Variants in IFT140 observed in about 807,000 individuals in gnomAD.
The protein encoded by IFT140 is intraflagellar transport protein 140 homolog.
Under a neutral mutation model 164.6 loss-of-function variants are expected in IFT140, and 133 were observed. The ratio of observed to expected loss-of-function variants is 0.81; its 90% confidence interval spans 0.70 to 0.93. The LOEUF is 0.93. IFT140 is among the 40% of genes least tolerant of loss of function. The probability of loss-of-function intolerance (pLI) is 0.00; values close to 1 mark genes in which losing one functional copy is unlikely to be tolerated. For synonymous variants in IFT140, 860 were observed against 817.3 expected, an observed-to-expected ratio of 1.05 and a Z score of -0.89; for missense variants, 2,045 against 1,972.3, an observed-to-expected ratio of 1.04 and a Z score of -0.70.
chr16:1,592,972 CAG>C (rs1298131700), intron 4 of IFT140, among the ~76,000 whole-genome samples: 3 of 150,618 alleles, frequency 2.0e-5, no homozygotes, highest in Non-Finnish European at 4.4e-5. Context: ...GGTGTCCCGG[CAG>C]AGTGACTGGT....
At position 1,589,756 on chromosome 16, in the gene IFT140, T is replaced by C; in HGVS notation, c.659A>G (p.Lys220Arg). 3.7e-6 allele frequency: 6 copies of C among 1,614,110 alleles called. No homozygotes were observed. The highest frequency in any genetic ancestry group is 5.1e-6 in the Non-Finnish European group (6 of 1,179,940). Residue 220 changes from lysine (K) to arginine (R), a missense_variant, in exon 7 of 31, where the codon AAG becomes AGG. Coordinates refer to ENST00000426508, the MANE Select transcript of IFT140 (RefSeq NM_014714.4). ...MDGTVHYVDE[K>R]GKTTQVVSAD... ...GGACACCACCTGAGTGGTCTTGCCC[T>C]TCTCATCCACATAGTGCACTGTCCC...
chr16:1,606,167 C>A (rs1054633718), intron 3 of IFT140, among the ~76,000 whole-genome samples: 1 of 152,204 alleles, frequency 6.6e-6, no homozygotes, highest in Non-Finnish European at 1.5e-5. Flanking sequence ...AGAATACCTT[C>A]CTGTTGTTTA....
rs2281235 is a variant in IFT140 at position 1,553,534 on chromosome 16, T to C, written c.2399+4401A>G. ...CCTGGGGAGGGACATGGACAAGTCC[T>C]CTATGGACAAGAGGGGCTGGAGAGT... On this transcript the variant is annotated intron_variant, in intron 19 of 30. Coordinates refer to ENST00000426508, the MANE Select transcript of IFT140 (RefSeq NM_014714.4). The surrounding 1 kb of genome is among the most constrained non-coding windows in gnomAD (Gnocchi z 4.4). 332,295 of 996,090 alleles carry C rather than the reference T, an allele frequency of 0.33. 59,441 individuals carry two copies. Among genetic ancestry groups the C allele is most frequent in the African/African-American group, 0.64 (36,809 of 57,500 alleles). The allele number at this position is 996,090 out of a possible 1,614,324, so 61.7% of individuals were successfully genotyped here. A position where few individuals can be genotyped will look rare whatever the true frequency, so the allele number is the denominator to read the frequency against.
chr16:1,530,625 G>A (rs1337337582), intron 19 of IFT140: 1 of 150,844 alleles, frequency 6.6e-6, no homozygotes, highest in Non-Finnish European at 1.5e-5. Context: ...ACAGGAATGT[G>A]GCAGCTGACT....
At chr16:1,563,356 G>A (rs1325619814) in intron 17 of IFT140, among the ~76,000 whole-genome samples, 1 of 150,374 alleles carries the variant, frequency 6.7e-6, no homozygotes, top group African/African-American at 2.4e-5. Flanking sequence ...GAGCAGTGGC[G>A]CGATCCCGGC....
chr16:1,535,278 G>A (rs892530013), intron 19 of IFT140, among the ~76,000 whole-genome samples: 5 of 152,072 alleles, frequency 3.3e-5, no homozygotes, highest in Non-Finnish European at 7.4e-5. Flanking sequence ...GGAGAGGAAG[G>A]GGCTCAGAAT....
chr16:1,586,463 G>C (rs1338610626), intron 9 of IFT140, among the ~76,000 whole-genome samples, 188 bp from the exon 10 acceptor site: 1 of 152,110 alleles, frequency 6.6e-6, no homozygotes, highest in Non-Finnish European at 1.5e-5. Flanking sequence ...GCCAGTGCGG[G>C]GGTGGTGGGG....
intron 18 of IFT140, among the ~76,000 whole-genome samples, chr16:1,561,336 C>T (rs1451932076): frequency 6.6e-6 from 1 of 152,200 alleles, no homozygotes; most frequent in African/African-American, 2.4e-5. Context: ...ACACGGGGAC[C>T]AAGTCGCAGA....
At chr16:1,535,157 G>C (rs906773852) in intron 19 of IFT140, among the ~76,000 whole-genome samples, 1 of 152,158 alleles carries the variant, frequency 6.6e-6, no homozygotes, top group African/African-American at 2.4e-5. Flanking sequence ...GGGTCTTTGA[G>C]GCAGAGAGCA....
At position 1,526,008 on chromosome 16, in the gene IFT140, C is replaced by T; in HGVS notation, c.2647G>A (p.Gly883Ser). Residue 883 changes from glycine (G) to serine (S), a missense_variant, in exon 21 of 31, where the codon GGC becomes AGC. Coordinates refer to ENST00000426508, the MANE Select transcript of IFT140 (RefSeq NM_014714.4). ...ACCTGGAGGGCCTCCTGCCACCGGC[C>T]CGCAGCCTGGTAGAACTTGTTCAGG... ...DLLNKFYQAA[G>S]RWQEALQVAE... 6.2e-7 allele frequency: 1 copy of T among 1,601,278 alleles called. No homozygotes were observed. The highest frequency in any genetic ancestry group is 8.5e-7 in the Non-Finnish European group (1 of 1,174,398).
At chr16:1,595,414 G>A (rs1162094435) in intron 4 of IFT140, among the ~76,000 whole-genome samples, 1 of 151,998 alleles carries the variant, frequency 6.6e-6, no homozygotes, top group Non-Finnish European at 1.5e-5. Context: ...TCAGGATTTC[G>A]AGACCAGCCT....
intron 7 of IFT140, among the ~76,000 whole-genome samples, chr16:1,589,164 C>T (rs930270849): frequency 3.3e-5 from 5 of 152,238 alleles, no homozygotes; most frequent in African/African-American, 4.8e-5. Flanking sequence ...GCTCTGTCAT[C>T]TGCAAGAGCA....
chr16:1,521,914 AT>A (rs1157208228), intron 26 of IFT140, among the ~76,000 whole-genome samples: 3 of 142,560 alleles, frequency 2.1e-5, no homozygotes, highest in South Asian at 2.2e-4. Context: ...ACACATTTAT[AT>A]TTAAAAAAAA....
rs781023466 is a variant in IFT140, at chr16:1,534,216, C to G, written c.2400-7420G>C. On this transcript the variant is annotated intron_variant, in intron 19 of 30. Transcript: ENST00000426508. ...CCTAGCAGCGTCGGCTCTCCCTGGA[C>G]GTGCGGCCGCGGACTGGGACTTGGC... is the stretch of plus-strand genomic sequence containing the variant. 1.9e-6 allele frequency: 3 copies of G among 1,591,218 alleles called. No individual in the cohort carries two copies. In the East Asian group the frequency reaches 6.7e-5, roughly 36 times the overall value.
Position 1,510,883 on chromosome 16 carries a change from A to C in IFT140, c.*61T>G. ...AAAAATGCTGGCTTTGCCACAGCTG[A>C]CAAAAAAATTCCAGAAGATGCCTTT... is the stretch of plus-strand genomic sequence containing the variant. On this transcript the variant is annotated 3_prime_UTR_variant, in exon 31 of 31. Transcript: ENST00000426508. 1 of 1,485,244 alleles carries C rather than the reference A, an allele frequency of 6.7e-7. No individual in the cohort carries two copies. The highest frequency in any genetic ancestry group is 2.4e-5 in the East Asian group (1 of 42,260). 92.0% of individuals were successfully genotyped at this position (1,485,244 alleles called of 1,614,324 possible).
chr16:1,540,100 T>C (rs1176324154), intron 19 of IFT140, among the ~76,000 whole-genome samples: 1 of 152,100 alleles, frequency 6.6e-6, no homozygotes, highest in Non-Finnish European at 1.5e-5. Flanking sequence ...GCAGTGTGCC[T>C]CCAGGGATGC....
chr16:1,516,139 CAAAAAAAAAAAAAAAAAA>C (rs869165237), intron 30 of IFT140, among the ~76,000 whole-genome samples: 102 of 46,006 alleles, frequency 2.2e-3, no homozygotes, highest in Non-Finnish European at 3.4e-3. Flanking sequence ...AACTCTGTCT[CAAAAAAAAAAAAAAAAAA>C]AAAAAAAAAA....
intron 17 of IFT140, among the ~76,000 whole-genome samples, chr16:1,563,144 A>G (rs1336320448): frequency 1.3e-5 from 2 of 151,926 alleles, no homozygotes; most frequent in Non-Finnish European, 2.9e-5. Flanking sequence ...TCACCCCCAC[A>G]GCCTGTATCT....
chr16:1,592,283 C>A lies in IFT140; in HGVS notation c.527G>T (p.Gly176Val). 1 of 1,614,210 alleles carries A rather than the reference C, an allele frequency of 6.2e-7. No individual in the cohort carries two copies. The highest frequency in any genetic ancestry group is 8.5e-7 in the Non-Finnish European group (1 of 1,180,052). ...LVQLAKAAVS[G>V]DEKALDMFNW... Reference sequence around the variant, plus strand: ...AAACATGTCCAGGGCTTTCTCATCACCGCTCACAGCTGCCTTTGCCAACTG... The same window carrying A: ...AAACATGTCCAGGGCTTTCTCATCAACGCTCACAGCTGCCTTTGCCAACTG... Residue 176 changes from glycine to valine, a missense_variant, in exon 6 of 31, where the codon GGT becomes GTT. By Grantham distance (109) the Gly-to-Val change is moderately radical. Coordinates refer to ENST00000426508, the MANE Select transcript of IFT140 (RefSeq NM_014714.4).
Sources: gnomAD v4.1 joint callset for allele counts (sites outside exome capture counted in the v4.1 genomes callset) on GRCh38, gnomAD v4.1.1 for gene constraint, Gnocchi (gnomAD v3.1) non-coding constraint, MANE v1.5 for transcripts, NCBI Gene and HGNC (gene_info 2026-07-23, HGNC 2026-07-21) for gene names.